TSPAN32: variants seen among roughly 807,000 people sequenced by gnomAD.
TSPAN32 encodes tetraspanin-32.
TSPAN32 carries 47 observed loss-of-function variants against 42.7 expected under a neutral mutation model. The ratio of observed to expected loss-of-function variants is 1.10; its 90% CI spans 0.87 to 1.40. The LOEUF (loss-of-function observed/expected upper bound fraction) is 1.40. Ranked by LOEUF, TSPAN32 falls within the 40% of genes most tolerant of loss-of-function variation. The pLI is 0.00. For missense variants in TSPAN32, 469 were observed against 424.1 expected, an observed-to-expected ratio of 1.11 and a Z score of -0.93; for synonymous variants, 175 against 175.9, an observed-to-expected ratio of 0.99 and a Z score of 0.04.
At chr11:2,310,706 G>A (rs1848410043) in intron 4 of TSPAN32, among the ~76,000 whole-genome samples, 1 of 152,258 alleles carries the variant, frequency 6.6e-6, no homozygotes, top group South Asian at 2.1e-4. Context: ...CCAAGATCCA[G>A]GGGCTGCATG....
rs929896123 is a variant in TSPAN32, at chr11:2,315,275, CAG to C, written c.543+707_543+708del. The C allele has an allele frequency of 1.2e-5, 14 of 1,192,910 alleles. No homozygotes were observed. In the African/African-American group the frequency reaches 2.2e-4, roughly 18 times the overall value. 73.9% of individuals were successfully genotyped at this position (1,192,910 alleles called of 1,614,324 possible). A position where few individuals can be genotyped will look rare whatever the true frequency, so the allele number is the denominator to read the frequency against. On this transcript the variant is annotated intron_variant, in intron 6 of 9. Transcript: ENST00000182290. The stretch of plus-strand genomic sequence containing the variant: ...AGGCACCTGGCGACCCTCCAAGAAA[CAG>C]AGGGGAGGAGAGCAAATGGCTGGAG...
chr11:2,315,280 G>C (rs1848718179), intron 6 of TSPAN32: 1 of 1,189,144 alleles, frequency 8.4e-7, no homozygotes, highest in Non-Finnish European at 1.1e-6. Context: ...AGAAACAGAG[G>C]GGAGGAGAGC....
intron 4 of TSPAN32, among the ~76,000 whole-genome samples, chr11:2,311,957 C>G (rs1292592614): frequency 2.0e-5 from 3 of 152,204 alleles, no homozygotes. Context: ...GGGTAGGAGG[C>G]CTACCTCGCT....
In TSPAN32 at chr11:2,317,673, A is replaced by T; in HGVS notation, c.901+148A>T. The stretch of plus-strand genomic sequence containing the variant: ...AAGGGGTAGCTCACCAAATCCCTCC[A>T]TGGGAACGGGCTGGGAGCAAGCACA... On this transcript the variant is annotated intron_variant, in intron 9 of 9. Transcript: ENST00000182290. This position sits in a 1 kb window ranked among gnomAD's most constrained non-coding sequence, Gnocchi z 6.2. 6.7e-7 allele frequency: 1 copy of T among 1,482,070 alleles called. No individual in the cohort carries two copies. Among genetic ancestry groups the T allele is most frequent in the Non-Finnish European group, 8.9e-7 (1 of 1,123,384 alleles). The allele number at this position is 1,482,070 out of a possible 1,614,324, so 91.8% of individuals were successfully genotyped here.
chr11:2,306,540 G>C (rs1047150999), intron 3 of TSPAN32, among the ~76,000 whole-genome samples: 40 of 129,994 alleles, frequency 3.1e-4, no homozygotes, highest in African/African-American at 1.1e-3. Flanking sequence ...GGTTGGTGGT[G>C]GGGGGAGAGA....
At position 2,304,302 on chromosome 11, in the gene TSPAN32, A is replaced by G; in HGVS notation, c.279+98A>G. The G allele has an allele frequency of 1.2e-6, 1 of 845,378 alleles. No individual in the cohort carries two copies. The highest frequency in any genetic ancestry group is 1.8e-6 in the Non-Finnish European group (1 of 564,442). 52.4% of individuals were successfully genotyped at this position (845,378 alleles called of 1,614,324 possible). A position where few individuals can be genotyped will look rare whatever the true frequency, so the allele number is the denominator to read the frequency against. ...TGTGTGCCACCCCCACACCTGAGTG[A>G]CCAGGCAGAACCAGAGGCCCCAGGG... On this transcript the variant is annotated intron_variant, in intron 3 of 9. Coordinates refer to ENST00000182290, the MANE Select transcript of TSPAN32 (RefSeq NM_139022.3). This position sits in a 1 kb window ranked among gnomAD's most constrained non-coding sequence, Gnocchi z 4.8.
rs767487637 is a variant in TSPAN32 at position 2,305,376 on chromosome 11, C to CCCG, written c.279+1174_279+1175insGCC. ...ATGACAAGGCAGGTAGTCTGCCCCC[C>CCCG]CCCCCAGAGGGTGTGTGGCCTGCAA... is the stretch of plus-strand genomic sequence containing the variant. On this transcript the variant is annotated intron_variant, in intron 3 of 9. Transcript: ENST00000182290. 5.4e-3 allele frequency among the ~76,000 whole-genome samples: 805 copies of CCCG among 150,436 alleles called. 19 individuals are homozygous for CCCG. The highest frequency in any genetic ancestry group is 9.0e-3 in the Non-Finnish European group (602 of 67,046).
chr11:2,313,628 G>A lies in TSPAN32; in HGVS notation c.355-26G>A, dbSNP rs747192392. On this transcript the variant is annotated intron_variant, in intron 4 of 9. Transcript: ENST00000182290. This position sits in a 1 kb window ranked among gnomAD's most constrained non-coding sequence, Gnocchi z 9.1. ...TCCCCGGATCTCCCACCAGGGCCAGGACCTCCCTGTGGTCTCTCGGTGCAG... is the reference window on the plus strand; with the variant it reads ...TCCCCGGATCTCCCACCAGGGCCAGAACCTCCCTGTGGTCTCTCGGTGCAG... The A allele has an allele frequency of 9.5e-6, 15 of 1,574,524 alleles. No individual in the cohort carries two copies. Among genetic ancestry groups the A allele is most frequent in the Non-Finnish European group, 1.3e-5 (15 of 1,158,158 alleles).
intron 3 of TSPAN32, among the ~76,000 whole-genome samples, chr11:2,307,298 C>A (rs1848176744): frequency 6.6e-6 from 1 of 152,156 alleles, no homozygotes; most frequent in African/African-American, 2.4e-5. Context: ...GGGTCTCCGT[C>A]TATCCCACGG....
chr11:2,302,273 T>A, intron 1 of TSPAN32, 58 bp downstream of exon 1: 3 of 1,064,758 alleles, frequency 2.8e-6, no homozygotes, highest in Non-Finnish European at 3.8e-6. Flanking sequence ...GGGTGAGGGG[T>A]GGCAGGGCCT....
chr11:2,305,921 T>C (rs2521272), intron 3 of TSPAN32, among the ~76,000 whole-genome samples: 130,478 of 152,220 alleles, frequency 0.86, 57,011 homozygotes, highest in African/African-American at 0.95. Context: ...AGAGACCTGC[T>C]CCATTGAGCT....
At chr11:2,311,347 G>A (rs1442988063) in intron 4 of TSPAN32, among the ~76,000 whole-genome samples, 1 of 152,188 alleles carries the variant, frequency 6.6e-6, no homozygotes, top group African/African-American at 2.4e-5. Flanking sequence ...CCGGGCTTCA[G>A]GGATGAATGT....
At chr11:2,306,067 T>TGTGTGTGTGTGTGTGTGTGTAA (rs1304329237) in intron 3 of TSPAN32, among the ~76,000 whole-genome samples, 25 of 152,106 alleles carry the variant, frequency 1.6e-4, no homozygotes, top group Non-Finnish European at 2.9e-5. Flanking sequence ...TGTGTGTGTG[T>TGTGTGTGTGTGTGTGTGTGTAA]GTGTAAGTAT....
At position 2,306,352 on chromosome 11, in the gene TSPAN32, A is replaced by G. The variant is rs1282140618; in HGVS notation, c.279+2148A>G. On this transcript the variant is annotated intron_variant, in intron 3 of 9. Coordinates refer to ENST00000182290, the MANE Select transcript of TSPAN32 (RefSeq NM_139022.3). ...GCTGGGCTGAGAGAGCAGAGCTGGC[A>G]GCGCCGCCCAAGGAAGCACATTCAA... is the stretch of plus-strand genomic sequence containing the variant. Among the ~76,000 whole-genome samples, 3 of 152,078 alleles carry G rather than the reference A, an allele frequency of 2.0e-5. No homozygotes were observed. In the South Asian group the frequency reaches 6.2e-4, roughly 32 times the overall value.
intron 6 of TSPAN32, chr11:2,315,957 T>G: frequency 6.5e-7 from 1 of 1,529,126 alleles, no homozygotes; most frequent in Non-Finnish European, 8.8e-7. Flanking sequence ...TGGCCCAACA[T>G]GGACGCTCAG....
Position 2,313,810 on chromosome 11 carries a change from T to G in TSPAN32, c.456+55T>G. ...CGGTCAGCTTCTGCTTGGACTGCAG[T>G]TCAGAGAACAGGCGCAGGGTGGCCA... On this transcript the variant is annotated intron_variant, in intron 5 of 9. Transcript: ENST00000182290. The surrounding 1 kb of genome is among the most constrained non-coding windows in gnomAD (Gnocchi z 9.1). 6 of 1,371,054 alleles carry G rather than the reference T, an allele frequency of 4.4e-6. No individual in the cohort carries two copies. Among genetic ancestry groups the G allele is most frequent in the Non-Finnish European group, 5.0e-6 (5 of 995,502 alleles). 84.9% of individuals were successfully genotyped at this position (1,371,054 alleles called of 1,614,324 possible).
At chr11:2,316,871 G>T (rs940241932) in intron 8 of TSPAN32, among the ~76,000 whole-genome samples, 1 of 152,062 alleles carries the variant, frequency 6.6e-6, no homozygotes, top group African/African-American at 2.4e-5. Context: ...CGCACCCCAT[G>T]GCCCACATGG....
At chr11:2,311,156 C>A (rs1051403897) in intron 4 of TSPAN32, among the ~76,000 whole-genome samples, 7 of 152,176 alleles carry the variant, frequency 4.6e-5, no homozygotes, top group African/African-American at 1.7e-4. Context: ...GGTGCCCCTG[C>A]GGATGGGAAG....
chr11:2,316,106 C>T (rs541547133), intron 6 of TSPAN32, 123 bp from the exon 7 acceptor site: 32 of 1,525,362 alleles, frequency 2.1e-5, no homozygotes, highest in East Asian at 2.0e-4. Context: ...GTGCCGCACC[C>T]GCCGCCCTGC....
Sources: gnomAD v4.1 joint callset for allele counts (sites outside exome capture counted in the v4.1 genomes callset) on GRCh38, gnomAD v4.1.1 for gene constraint, Gnocchi (gnomAD v3.1) non-coding constraint, MANE v1.5 for transcripts, NCBI Gene and HGNC (gene_info 2026-07-23, HGNC 2026-07-21) for gene names.